The following MECOM variants were observed in gnomAD, a reference collection of about 807,000 sequenced individuals.
MECOM encodes MDS1 and EVI1 complex locus, also known as histone-lysine N-methyltransferase MECOM.
Under a neutral mutation model 116.3 loss-of-function variants are expected in MECOM, and 13 were observed. The ratio of observed to expected loss-of-function variants is 0.11; its 90% CI spans 0.07 to 0.18. MECOM has a LOEUF of 0.18. MECOM is among the 10% of genes least tolerant of loss of function. The pLI, the probability that MECOM is intolerant of heterozygous loss-of-function variation, is 1.00. For missense variants in MECOM, 1,299 were observed against 1,509.0 expected, an observed-to-expected ratio of 0.86 and a Z score of 2.31; for synonymous variants, 528 against 535.2, an observed-to-expected ratio of 0.99 and a Z score of 0.19.
intron 2 of MECOM, among the ~76,000 whole-genome samples, chr3:169,348,988 A>G (rs1725833667): frequency 6.6e-6 from 1 of 151,918 alleles, no homozygotes; most frequent in Non-Finnish European, 1.5e-5. Context: ...TAAATACTTC[A>G]GGAGACTGAG....
At chr3:169,606,616 T>C (rs760432408) in intron 1 of MECOM, among the ~76,000 whole-genome samples, 3 of 152,146 alleles carry the variant, frequency 2.0e-5, no homozygotes, top group Non-Finnish European at 4.4e-5. Flanking sequence ...TCTTTCTTTT[T>C]TGTATAACAG....
At chr3:169,382,368 C>A (rs1157109805) in intron 1 of MECOM, among the ~76,000 whole-genome samples, 1 of 152,040 alleles carries the variant, frequency 6.6e-6, no homozygotes, top group Non-Finnish European at 1.5e-5. Context: ...TTTGAACAGA[C>A]AGCAGGGTTG....
intron 1 of MECOM, among the ~76,000 whole-genome samples, chr3:169,391,573 G>A (rs1247823735): frequency 6.6e-6 from 1 of 151,904 alleles, no homozygotes; most frequent in African/African-American, 2.4e-5. Flanking sequence ...AAGATTTTTT[G>A]CTTTTTTTAA....
At chr3:169,391,103 T>G (rs1734126751) in intron 1 of MECOM, among the ~76,000 whole-genome samples, 1 of 152,254 alleles carries the variant, frequency 6.6e-6, no homozygotes, top group South Asian at 2.1e-4. Flanking sequence ...ATTATGCATG[T>G]CTGGCAGAAG....
At chr3:169,463,906 C>CA (rs1289496963) in intron 1 of MECOM, 4 of 151,998 alleles carry the variant, frequency 2.6e-5, no homozygotes, top group Admixed American at 1.3e-4. Context: ...AGTACGACTG[C>CA]AAAAAAATTT....
At chr3:169,175,591 G>A (rs1482956108) in intron 2 of MECOM, among the ~76,000 whole-genome samples, 3 of 152,096 alleles carry the variant, frequency 2.0e-5, no homozygotes, top group Non-Finnish European at 4.4e-5. Flanking sequence ...TTTGGATAAT[G>A]GACACTCAAC....
intron 5 of MECOM, among the ~76,000 whole-genome samples, chr3:169,126,918 G>A (rs1387341708): frequency 1.3e-5 from 2 of 152,040 alleles, no homozygotes; most frequent in East Asian, 1.9e-4. Flanking sequence ...CTTGAGTAAG[G>A]CCATTTGATA....
Position 169,221,994 on chromosome 3 carries a change from G to A in MECOM, c.376-78162C>T, listed in dbSNP as rs560848531. 5.9e-5 allele frequency among the ~76,000 whole-genome samples: 9 copies of A among 151,416 alleles called. No homozygotes were observed. The East Asian group carries it at 1.2e-3, about 20-fold the overall frequency. On this transcript the variant is annotated intron_variant, in intron 2 of 16. Transcript: ENST00000651503. ...TATTCTAGTCTTACATTATAGTTGC[G>A]CCATCATGTCACTATTTAAATTTTA...
At chr3:169,504,320 G>A (rs994371257) in intron 1 of MECOM, among the ~76,000 whole-genome samples, 1 of 151,736 alleles carries the variant, frequency 6.6e-6, no homozygotes, top group African/African-American at 2.4e-5. Context: ...TGTCTCGATG[G>A]GGATGCTAAA....
At chr3:169,401,490 T>C (rs564176956) in intron 1 of MECOM, among the ~76,000 whole-genome samples, 40 of 152,324 alleles carry the variant, frequency 2.6e-4, no homozygotes, top group Non-Finnish European at 5.3e-4. Context: ...CATTCTTGGC[T>C]TCACAGAGCA....
chr3:169,569,301 AC>A (rs950689133), intron 1 of MECOM, among the ~76,000 whole-genome samples: 1 of 152,216 alleles, frequency 6.6e-6, no homozygotes, highest in Admixed American at 6.5e-5. Context: ...TAATATATGC[AC>A]CCAATACAAG....
At chr3:169,477,468 G>A (rs769385533) in intron 1 of MECOM, among the ~76,000 whole-genome samples, 17 of 152,082 alleles carry the variant, frequency 1.1e-4, no homozygotes, top group Non-Finnish European at 1.9e-4. Flanking sequence ...CCGAAGTCAA[G>A]ATTGTTATAG....
intron 2 of MECOM, among the ~76,000 whole-genome samples, chr3:169,221,677 AC>A (rs1419453928): frequency 2.0e-5 from 3 of 152,082 alleles, no homozygotes; most frequent in Non-Finnish European, 4.4e-5. Flanking sequence ...AAATCTCACA[AC>A]TTTTGGCTGA....
chr3:169,376,101 A>G (rs1472414362), intron 2 of MECOM, among the ~76,000 whole-genome samples: 1 of 152,170 alleles, frequency 6.6e-6, no homozygotes. Context: ...CAATAGATGC[A>G]AAAAAGGCCT....
intron 1 of MECOM, among the ~76,000 whole-genome samples, chr3:169,499,812 A>T (rs1442536412): frequency 6.6e-6 from 1 of 152,084 alleles, no homozygotes; most frequent in African/African-American, 2.4e-5. Context: ...CCTAGGGAGG[A>T]GGTTAAGACT....
chr3:169,245,741 CG>C (rs1420446219), intron 2 of MECOM, among the ~76,000 whole-genome samples: 1 of 152,148 alleles, frequency 6.6e-6, no homozygotes, highest in Non-Finnish European at 1.5e-5. Flanking sequence ...TCAAATTCTA[CG>C]CAGTACAGAG....
chr3:169,645,786 T>C (rs1244256625), intron 1 of MECOM, among the ~76,000 whole-genome samples: 2 of 152,238 alleles, frequency 1.3e-5, no homozygotes, highest in Non-Finnish European at 2.9e-5. Flanking sequence ...AATTGTAGCA[T>C]TTGGAAATAG....
chr3:169,622,536 C>T (rs925206491), intron 1 of MECOM, among the ~76,000 whole-genome samples: 4 of 152,212 alleles, frequency 2.6e-5, no homozygotes, highest in African/African-American at 7.2e-5. Context: ...GAGCAGAAGG[C>T]TCTGTGCCTG....
intron 1 of MECOM, among the ~76,000 whole-genome samples, chr3:169,441,548 T>G (rs1743671268): frequency 6.6e-6 from 1 of 152,080 alleles, no homozygotes; most frequent in South Asian, 2.1e-4. Flanking sequence ...TTAGCAAATC[T>G]GAGATGCACA....
Sources: allele counts gnomAD v4.1 joint callset (sites outside exome capture counted in the v4.1 genomes callset), GRCh38; gene constraint gnomAD v4.1.1; transcripts MANE v1.5; gene names NCBI Gene and HGNC (gene_info 2026-07-23, HGNC 2026-07-21).